APPL1: variants seen among roughly 807,000 people sequenced by gnomAD.
APPL1 encodes adaptor protein, phosphotyrosine interacting with PH domain and leucine zipper 1, also known as DCC-interacting protein 13-alpha.
A neutral mutation model predicts 106.8 loss-of-function variants in APPL1; 42 were observed. The observed-to-expected ratio is 0.39, with a 90% CI of 0.31 to 0.51. The LOEUF (loss-of-function observed/expected upper bound fraction) is 0.51. Ranked by LOEUF, APPL1 falls within the 20% of genes least tolerant of loss-of-function variation. The pLI is 0.75. For synonymous variants in APPL1, 263 were observed against 281.8 expected (o/e 0.93, Z 0.67); for missense variants, 769 against 858.2 (o/e 0.90, Z 1.30).
intron 13 of APPL1, among the ~76,000 whole-genome samples, chr3:57,254,221 T>C (rs797013303): frequency 1.6e-4 from 25 of 152,316 alleles, no homozygotes; most frequent in African/African-American, 6.0e-4. Flanking sequence ...GAACAATAAA[T>C]TATTTCAAAA....
intron 13 of APPL1, among the ~76,000 whole-genome samples, chr3:57,254,697 C>T (rs978201516): frequency 3.2e-4 from 48 of 152,214 alleles, no homozygotes; most frequent in African/African-American, 9.9e-4. Flanking sequence ...CTATCTCAGC[C>T]CACTGCAGCC....
intron 4 of APPL1, among the ~76,000 whole-genome samples, chr3:57,239,716 A>G (rs1252041254): frequency 1.3e-5 from 2 of 152,088 alleles, no homozygotes; most frequent in Non-Finnish European, 2.9e-5. Context: ...TTGCATGGTA[A>G]TTTTATGTTT....
At chr3:57,236,090 GC>G (rs2060714981) in intron 2 of APPL1, among the ~76,000 whole-genome samples, 2 of 149,610 alleles carry the variant, frequency 1.3e-5, no homozygotes, top group South Asian at 2.1e-4. Flanking sequence ...TGTTGCCCAG[GC>G]TGGAGTGCAG....
At chr3:57,240,294 G>A (rs376630404) in intron 4 of APPL1, among the ~76,000 whole-genome samples, 171 bp from the exon 5 acceptor site, 1 of 151,806 alleles carries the variant, frequency 6.6e-6, no homozygotes, top group African/African-American at 2.4e-5. Context: ...TAAGAGTTTA[G>A]TAAATGGAAT....
chr3:57,237,492 A>T lies in APPL1; in HGVS notation c.154A>T (p.Asn52Tyr). 6.3e-7 allele frequency: 1 copy of T among 1,598,812 alleles called. No homozygotes were observed. Among genetic ancestry groups the T allele is most frequent in the Non-Finnish European group, 8.5e-7 (1 of 1,173,732 alleles). The change falls in exon 3 of 22, where the codon AAT becomes TAT. Residue 52 changes from asparagine (N) to tyrosine (Y), a missense_variant and splice_region_variant. Physicochemically the swap from Asn to Tyr is moderately radical, Grantham distance 143. Transcript: ENST00000288266. Reference protein sequence around the residue: ...QAMHRIYDAQNELSAATHLTS... With the variant: ...QAMHRIYDAQYELSAATHLTS... ...GCTAATTTGAATGCTTTTTCCATAG[A>T]ATGAATTAAGTGCAGCAACACACCT...
chr3:57,238,455 C>T (rs2060728177), intron 4 of APPL1, among the ~76,000 whole-genome samples: 1 of 152,182 alleles, frequency 6.6e-6, no homozygotes, highest in Non-Finnish European at 1.5e-5. Flanking sequence ...CAACATTTTA[C>T]TGTTTAGTCT....
In APPL1 at chr3:57,247,436, A is replaced by G; in HGVS notation, c.663A>G (p.Gln221=). 6.2e-7 allele frequency: 1 copy of G among 1,611,812 alleles called. No individual in the cohort carries two copies. The change falls in exon 9 of 22, where the codon CAA becomes CAG. Residue 221 remains glutamine, a synonymous_variant. Coordinates refer to ENST00000288266, the MANE Select transcript of APPL1 (RefSeq NM_012096.3). ...FKMGSENLNE[Q]LEEFLANIGT... Reference sequence around the variant, plus strand: ...TGGGTTCTGAAAATCTTAATGAACAACTGGAAGAATTTTTAGCTAATATTG... The same window carrying G: ...TGGGTTCTGAAAATCTTAATGAACAGCTGGAAGAATTTTTAGCTAATATTG...
Position 57,260,794 on chromosome 3 carries a change from ATC to A in APPL1, c.1842+24_1842+25del, listed in dbSNP as rs2060861153. 1.3e-6 allele frequency: 2 copies of A among 1,586,996 alleles called. No individual in the cohort carries two copies. Among genetic ancestry groups the A allele is most frequent in the African/African-American group, 2.7e-5 (2 of 74,432 alleles). On this transcript the variant is annotated intron_variant, in intron 19 of 21. Transcript: ENST00000288266. ...GAAAAGGTACATGGCTTTTCAGAAT[ATC>A]TCTGTCATAACCACTTACTAATTGA...
intron 6 of APPL1, 29 bp downstream of exon 6, chr3:57,242,171 C>G (rs747529137): frequency 6.4e-7 from 1 of 1,552,644 alleles, no homozygotes; most frequent in Admixed American, 1.7e-5. Flanking sequence ...ACACTTATTT[C>G]TTGCAGTGAT....
chr3:57,242,159 G>T lies in APPL1; in HGVS notation c.415+17G>T. ...CAAGTAATGGTAAGCCCTATAATTT[G>T]CACACTTATTTCTTGCAGTGATGTA... On this transcript the variant is annotated intron_variant, in intron 6 of 21. Transcript: ENST00000288266. 1.3e-6 allele frequency: 2 copies of T among 1,576,496 alleles called. No homozygotes were observed. Among genetic ancestry groups the T allele is most frequent in the Non-Finnish European group, 1.7e-6 (2 of 1,152,288 alleles).
At chr3:57,260,270 G>C in intron 18 of APPL1, 117 bp downstream of exon 18, 1 of 1,104,536 alleles carries the variant, frequency 9.1e-7, no homozygotes, top group Non-Finnish European at 1.3e-6. Flanking sequence ...GCTATGATTG[G>C]TCTTTGGCTG....
chr3:57,263,362 AT>A (rs1227301438), intron 19 of APPL1, among the ~76,000 whole-genome samples: 336 of 143,114 alleles, frequency 2.3e-3, no homozygotes, highest in African/African-American at 5.3e-3. Flanking sequence ...TATTCATTCT[AT>A]TTTTTTTTTT....
intron 15 of APPL1, 53 bp from the exon 16 acceptor site, chr3:57,258,975 A>C: frequency 7.5e-7 from 1 of 1,332,542 alleles, no homozygotes; most frequent in Non-Finnish European, 1.1e-6. Flanking sequence ...GATTTCTTCT[A>C]TGTGGCTCAT....
chr3:57,265,970 TTATTC>T (rs975546434), intron 19 of APPL1, among the ~76,000 whole-genome samples: 4 of 152,228 alleles, frequency 2.6e-5, no homozygotes, highest in Non-Finnish European at 4.4e-5. Flanking sequence ...TTTTTGTCCT[TTATTC>T]TGTTGATGTG....
Position 57,249,580 on chromosome 3 carries a change from A to G in APPL1, c.1052+32A>G, listed in dbSNP as rs200287468. ...ATTTTTTTTCTACTACTACTAATCT[A>G]TAGTATATTAAACTTCTGAAATGTG... On this transcript the variant is annotated intron_variant, in intron 11 of 21. Transcript: ENST00000288266. 1.2e-4 allele frequency: 184 copies of G among 1,492,198 alleles called. 1 individual carries two copies. The highest frequency in any genetic ancestry group is 1.6e-4 in the Non-Finnish European group (174 of 1,118,132). 92.4% of individuals were successfully genotyped at this position (1,492,198 alleles called of 1,614,324 possible). A position where few individuals can be genotyped will look rare whatever the true frequency, so the allele number is the denominator to read the frequency against.
In APPL1 at chr3:57,260,764, A is replaced by G. The variant is rs1382557485; in HGVS notation, c.1832A>G (p.Glu611Gly). 6.2e-6 allele frequency: 10 copies of G among 1,608,076 alleles called. No homozygotes were observed. The Admixed American group carries it at 1.5e-4, about 24-fold the overall frequency. Residue 611 changes from glutamate to glycine, a missense_variant, in exon 19 of 22, where the codon GAG becomes GGG. By Grantham distance (98) the Glu-to-Gly change is moderately conservative. Coordinates refer to ENST00000288266, the MANE Select transcript of APPL1 (RefSeq NM_012096.3). ...SVCYIFESNN[E>G]GEKICDSVGL... ...TGCTATATATTTGAGTCAAACAATG[A>G]GGGGGAAAAGGTACATGGCTTTTCA...
At chr3:57,231,670 T>C (rs1230245978) in intron 1 of APPL1, among the ~76,000 whole-genome samples, 2 of 151,932 alleles carry the variant, frequency 1.3e-5, no homozygotes, top group Non-Finnish European at 2.9e-5. Flanking sequence ...TAGCTGGGCG[T>C]GGTGGCATGC....
At chr3:57,265,785 AG>A (rs1410046763) in intron 19 of APPL1, among the ~76,000 whole-genome samples, 1 of 152,122 alleles carries the variant, frequency 6.6e-6, no homozygotes, top group African/African-American at 2.4e-5. Flanking sequence ...AAAGGTGGAA[AG>A]GCTTTTTGTT....
intron 13 of APPL1, 62 bp downstream of exon 13, chr3:57,253,800 G>A: frequency 8.5e-7 from 1 of 1,171,284 alleles, no homozygotes; most frequent in Admixed American, 4.7e-5. Flanking sequence ...TGGCTTACAT[G>A]TTTTTATTAA....
Sources: gnomAD v4.1 joint callset for allele counts (sites outside exome capture counted in the v4.1 genomes callset) on GRCh38, gnomAD v4.1.1 for gene constraint, MANE v1.5 for transcripts, NCBI Gene and HGNC (gene_info 2026-07-23, HGNC 2026-07-21) for gene names.